The following RAF1 variants were observed in gnomAD, a reference collection of about 807,000 sequenced individuals.
RAF1 encodes the protein RAF proto-oncogene serine/threonine-protein kinase.
In RAF1, 27 loss-of-function variants were observed where a neutral mutation model predicts 81.1. That is an observed-to-expected ratio of 0.33 (90% CI 0.25 to 0.46). RAF1 has a LOEUF of 0.46. Among genes scored for constraint, RAF1 ranks in the 20% least tolerant of loss-of-function variants. RAF1 has a pLI of 1.00. For missense variants in RAF1, 598 were observed against 826.0 expected (o/e 0.72, Z 3.38); for synonymous variants, 298 against 294.0 (o/e 1.01, Z -0.14).
At chr3:12,625,257 GT>G (rs1340994339) in intron 1 of RAF1, among the ~76,000 whole-genome samples, 1 of 151,758 alleles carries the variant, frequency 6.6e-6, no homozygotes, top group Non-Finnish European at 1.5e-5. Context: ...CTAATTTTGT[GT>G]TTTTAGTGGA....
intron 11 of RAF1, among the ~76,000 whole-genome samples, 177 bp downstream of exon 10, chr3:12,599,514 A>G (rs1256928335): frequency 1.3e-5 from 2 of 152,204 alleles, no homozygotes; most frequent in African/African-American, 2.4e-5. Flanking sequence ...TGGGAGCTTT[A>G]TAAGAACTTA....
At position 12,600,397 on chromosome 3, in the gene RAF1, T is replaced by C. The variant is rs150054973; in HGVS notation, c.913A>G (p.Ser305Gly). 21 of 1,614,202 alleles carry C rather than the reference T, an allele frequency of 1.3e-5. No homozygotes were observed. Among genetic ancestry groups the C allele is most frequent in the African/African-American group, 1.2e-4 (9 of 75,052 alleles). Residue 305 changes from serine to glycine, a missense_variant, in exon 9 of 18, where the codon AGC (serine) becomes GGC (glycine). By Grantham distance (56) the Ser-to-Gly change is moderately conservative. This residue lies in a region of RAF1 where 194 missense variants were observed against 202.7 expected (regional missense o/e 0.96). Coordinates refer to ENST00000442415, the MANE Select transcript of RAF1 (RefSeq NM_001354689.3). The stretch of plus-strand genomic sequence containing the variant: ...GACTATGGAAAAGTACCTGATTCGC[T>C]GTGACTTCGAATTGCATCCTGAAAC...
rs150628891 is a variant in RAF1 at position 12,593,725 on chromosome 3, T to G, written c.1169-1933A>C. ...TGCATAAGTGTCCATTCTGGTACAG[T>G]TGGAGCCAAGACAGGAGTGCTGGAA... On this transcript the variant is annotated intron_variant, in intron 11 of 17. Coordinates refer to ENST00000442415, the MANE Select transcript of RAF1 (RefSeq NM_001354689.3). Among the ~76,000 whole-genome samples the G allele has an allele frequency of 5.5e-4, 83 of 151,824 alleles. 3 individuals carry two copies. The highest frequency in any genetic ancestry group is 1.7e-3 in the African/African-American group (69 of 41,332).
intron 1 of RAF1, among the ~76,000 whole-genome samples, chr3:12,630,602 G>T (rs2059831962): frequency 6.6e-6 from 1 of 152,120 alleles, no homozygotes; most frequent in Non-Finnish European, 1.5e-5. Flanking sequence ...AACATTCCAG[G>T]CAGAAAGAAC....
At chr3:12,615,798 T>C (rs563017972) in intron 2 of RAF1, among the ~76,000 whole-genome samples, 1 of 152,204 alleles carries the variant, frequency 6.6e-6, no homozygotes, top group African/African-American at 2.4e-5. Flanking sequence ...ATGTCTGTAA[T>C]CCCAGCACTT....
At chr3:12,651,620 C>A (rs566061156) in intron 1 of RAF1, among the ~76,000 whole-genome samples, 1 of 151,276 alleles carries the variant, frequency 6.6e-6, no homozygotes, top group East Asian at 2.0e-4. Context: ...CACCACTGCA[C>A]CCTAGCCTGG....
Position 12,608,764 on chromosome 3 carries a change from A to C in RAF1, c.581+2T>G, listed in dbSNP as rs1370265032. On this transcript the variant is annotated splice_donor_variant, in intron 5 of 17. Transcript: ENST00000442415. LOFTEE classifies it high-confidence loss of function. ...TCCTTGGATAAAAGAACAATGCCTT[A>C]CAAGAGTTGTCTGATGTTACTCCAG... is the stretch of plus-strand genomic sequence containing the variant. 6.2e-7 allele frequency: 1 copy of C among 1,613,954 alleles called. No individual in the cohort carries two copies.
chr3:12,628,012 C>G (rs574437976), intron 1 of RAF1, among the ~76,000 whole-genome samples: 6 of 152,182 alleles, frequency 3.9e-5, no homozygotes, highest in East Asian at 1.9e-4. Flanking sequence ...CCCAGCTACT[C>G]GGGAGGCTGA....
intron 1 of RAF1, among the ~76,000 whole-genome samples, chr3:12,645,532 A>G (rs1274791074): frequency 6.6e-6 from 1 of 152,192 alleles, no homozygotes; most frequent in African/African-American, 2.4e-5. Flanking sequence ...TTATTGTTTA[A>G]TGATGTTACT....
intron 1 of RAF1, among the ~76,000 whole-genome samples, chr3:12,641,317 A>G (rs1002838728): frequency 6.6e-5 from 10 of 151,850 alleles, no homozygotes; most frequent in Non-Finnish European, 1.3e-4. Flanking sequence ...ACATGTATAC[A>G]TATGTAACAA....
At chr3:12,648,116 T>C (rs1048999747) in intron 1 of RAF1, among the ~76,000 whole-genome samples, 5 of 152,182 alleles carry the variant, frequency 3.3e-5, no homozygotes, top group African/African-American at 1.2e-4. Context: ...AGTTTTTCTT[T>C]TCACCTTCAA....
intron 1 of RAF1, among the ~76,000 whole-genome samples, chr3:12,624,950 T>C (rs2059660838): frequency 6.9e-6 from 1 of 144,968 alleles, no homozygotes; most frequent in African/African-American, 2.6e-5. Context: ...AGATGAACAA[T>C]GCCATTGCAA....
At position 12,627,021 on chromosome 3, in the gene RAF1, C is replaced by CAAA. The variant is rs34692000; in HGVS notation, c.-26-8277_-26-8275dup. ...CCTGGGTGACAGCGAGACTCTGTCT[C>CAAA]AAAAAAAAAAAAAAAAAAGAAAAGA... On this transcript the variant is annotated intron_variant, in intron 1 of 17. Transcript: ENST00000442415. 7.0e-3 allele frequency among the ~76,000 whole-genome samples: 539 copies of CAAA among 76,966 alleles called. 4 individuals are homozygous for CAAA. Among genetic ancestry groups the CAAA allele is most frequent in the South Asian group, 0.028 (54 of 1,948 alleles). The allele number at this position is 76,966 out of a possible 152,430, so 50.5% of individuals were successfully genotyped here.
At chr3:12,587,962 C>CTTTTGTTTTTT (rs2058383293) in intron 13 of RAF1, 1 of 62,536 alleles carries the variant, frequency 1.6e-5, no homozygotes, top group African/African-American at 7.5e-5. Context: ...ACCATGCCGC[C>CTTTTGTTTTTT]TTTTTTTTTT....
At chr3:12,625,320 T>C (rs1200885210) in intron 1 of RAF1, among the ~76,000 whole-genome samples, 1 of 152,114 alleles carries the variant, frequency 6.6e-6, no homozygotes, top group Non-Finnish European at 1.5e-5. Flanking sequence ...CAACCTCAGG[T>C]GATCCACCCA....
chr3:12,640,958 C>A (rs1210875029), intron 1 of RAF1, among the ~76,000 whole-genome samples: 4 of 152,026 alleles, frequency 2.6e-5, no homozygotes, highest in African/African-American at 9.7e-5. Flanking sequence ...GACCTGGAAC[C>A]AACCCAAATG....
At chr3:12,614,988 G>A (rs2059330817) in intron 2 of RAF1, among the ~76,000 whole-genome samples, 1 of 152,188 alleles carries the variant, frequency 6.6e-6, no homozygotes, top group Non-Finnish European at 1.5e-5. Context: ...CATACTGCAA[G>A]CTGGACAGTT....
At chr3:12,592,664 T>C (rs1360226183) in intron 11 of RAF1, among the ~76,000 whole-genome samples, 2 of 151,796 alleles carry the variant, frequency 1.3e-5, no homozygotes, top group African/African-American at 2.4e-5. Context: ...AAAACCAGCC[T>C]CTTGATATAA....
At chr3:12,630,188 A>T (rs1306157198) in intron 1 of RAF1, among the ~76,000 whole-genome samples, 1 of 152,194 alleles carries the variant, frequency 6.6e-6, no homozygotes, top group African/African-American at 2.4e-5. Context: ...TTTGGGTATC[A>T]TCTTCTAATA....
Sources: gnomAD v4.1 joint callset for allele counts (sites outside exome capture counted in the v4.1 genomes callset) on GRCh38, gnomAD v4.1.1 for gene constraint, gnomAD v4.1.1 regional missense constraint, MANE v1.5 for transcripts, NCBI Gene and HGNC (gene_info 2026-07-23, HGNC 2026-07-21) for gene names.